Variants in AOAH observed in about 807,000 individuals in gnomAD.
AOAH encodes the protein acyloxyacyl hydrolase (neutrophil).
Under a neutral mutation model 92.2 loss-of-function variants are expected in AOAH, and 64 were observed. That is an observed-to-expected ratio of 0.69 (90% CI 0.57 to 0.86). The LOEUF is 0.86. Ranked by LOEUF, AOAH falls within the 40% of genes least tolerant of loss-of-function variation. The probability of loss-of-function intolerance (pLI) is 0.00; values close to 1 mark genes in which losing one functional copy is unlikely to be tolerated. For missense variants in AOAH, 656 were observed against 694.6 expected, an observed-to-expected ratio of 0.94 and a Z score of 0.62; for synonymous variants, 263 against 254.5, an observed-to-expected ratio of 1.03 and a Z score of -0.32.
chr7:36,622,493 T>G (rs1365371620), intron 7 of AOAH, among the ~76,000 whole-genome samples: 1 of 152,230 alleles, frequency 6.6e-6, no homozygotes, highest in African/African-American at 2.4e-5. Flanking sequence ...TTTTGGGACT[T>G]TGTGACATGT....
intron 19 of AOAH, among the ~76,000 whole-genome samples, chr7:36,526,707 A>G (rs1211615092): frequency 7.2e-5 from 11 of 152,196 alleles, no homozygotes; most frequent in Admixed American, 7.2e-4. Context: ...TCTTTAATGT[A>G]GTTTATTTGT....
chr7:36,673,967 T>G lies in AOAH; in HGVS notation c.266A>C (p.Lys89Thr), dbSNP rs1197761047. 1 of 1,611,058 alleles carries G rather than the reference T, an allele frequency of 6.2e-7. No homozygotes were observed. Among genetic ancestry groups the G allele is most frequent in the Non-Finnish European group, 8.5e-7 (1 of 1,177,540 alleles). The stretch of plus-strand genomic sequence containing the variant: ...CAGTTTTATGATGTCTGATCCAAAC[T>G]TGTCAATGACTAAATAGCAGGTGGT... ...LKTTCYLVID[K>T]FGSDIIKLLS... Residue 89 changes from lysine to threonine, a missense_variant, in exon 3 of 21, where the codon AAG becomes ACG. Coordinates refer to ENST00000617537, the MANE Select transcript of AOAH (RefSeq NM_001637.4).
intron 12 of AOAH, among the ~76,000 whole-genome samples, chr7:36,581,577 G>T (rs1159811690): frequency 3.3e-5 from 5 of 152,142 alleles, no homozygotes; most frequent in African/African-American, 1.2e-4. Context: ...ATAAAGAGGG[G>T]TTATTTTTCT....
chr7:36,659,045 T>C (rs1185350333), intron 4 of AOAH, 121 bp downstream of exon 4: 8 of 798,946 alleles, frequency 1.0e-5, no homozygotes, highest in African/African-American at 1.7e-5. Flanking sequence ...ATTGAAAATG[T>C]CATCTTGCCT....
rs370724845 is a variant in AOAH at position 36,513,301 on chromosome 7, G to T, written c.1679C>A (p.Pro560Gln). 7.4e-6 allele frequency: 12 copies of T among 1,614,030 alleles called. No individual in the cohort carries two copies. Among genetic ancestry groups the T allele is most frequent in the Non-Finnish European group, 1.0e-5 (12 of 1,180,018 alleles). ...CACCTGTTTAATCTGGGGGTTGAAC[G>T]GATTCTCCTTTCCCAGGATTTGGGG... Reference protein sequence around the residue: ...QWPQILGKENPFNPQIKQVFG... With the variant: ...QWPQILGKENQFNPQIKQVFG... Residue 560 changes from proline (P) to glutamine (Q), a missense_variant, in exon 21 of 21, where the codon CCG (proline) becomes CAG (glutamine). Transcript: ENST00000617537.
chr7:36,613,864 G>A (rs569110127), intron 11 of AOAH, among the ~76,000 whole-genome samples: 2 of 152,230 alleles, frequency 1.3e-5, no homozygotes, highest in Middle Eastern at 3.4e-3. Flanking sequence ...TCAAAACAGC[G>A]CTCTTCATTT....
At chr7:36,589,828 T>C (rs1411506570) in intron 12 of AOAH, among the ~76,000 whole-genome samples, 1 of 152,248 alleles carries the variant, frequency 6.6e-6, no homozygotes, top group Non-Finnish European at 1.5e-5. Flanking sequence ...TCTTTCTACA[T>C]GTGGTATTAG....
intron 4 of AOAH, among the ~76,000 whole-genome samples, chr7:36,655,246 A>G (rs1794809857): frequency 6.6e-6 from 1 of 152,262 alleles, no homozygotes; most frequent in East Asian, 1.9e-4. Flanking sequence ...TAAATGCATG[A>G]ATACACATAA....
intron 12 of AOAH, among the ~76,000 whole-genome samples, chr7:36,583,982 A>C (rs1789124691): frequency 6.6e-6 from 1 of 152,238 alleles, no homozygotes; most frequent in African/African-American, 2.4e-5. Context: ...CCTAAACGGC[A>C]TTTCTCAAAG....
rs78573344 is a variant in AOAH at position 36,663,523 on chromosome 7, T to C, written c.291-4258A>G. On this transcript the variant is annotated intron_variant, in intron 3 of 20. Transcript: ENST00000617537. ...ACCACGGATATCTTTGTAGTCTCCA[T>C]AGTTTTGCCTTTTCCAGGATGTCAT... Among the ~76,000 whole-genome samples, 1,031 of 152,338 alleles carry C rather than the reference T, an allele frequency of 6.8e-3. 4 individuals are homozygous for C. The highest frequency in any genetic ancestry group is 0.011 in the African/African-American group (467 of 41,584).
intron 13 of AOAH, among the ~76,000 whole-genome samples, chr7:36,570,593 G>A (rs1272745070): frequency 6.6e-6 from 1 of 152,154 alleles, no homozygotes; most frequent in Non-Finnish European, 1.5e-5. Context: ...TTCCGTAGCA[G>A]CTATACCACT....
intron 20 of AOAH, among the ~76,000 whole-genome samples, chr7:36,517,214 C>CTTTCTTTTCTTTTTCTCTT (rs59205788): frequency 5.7e-5 from 6 of 104,828 alleles, no homozygotes; most frequent in African/African-American, 2.4e-4. Flanking sequence ...TTCTTTCTTT[C>CTTTCTTTTCTTTTTCTCTT]TCTTTCTTTC....
intron 13 of AOAH, among the ~76,000 whole-genome samples, chr7:36,553,991 G>C (rs561630086): frequency 2.0e-5 from 3 of 152,054 alleles, no homozygotes; most frequent in Non-Finnish European, 4.4e-5. Context: ...AGTTTAATTA[G>C]ATCCCATTTG....
intron 1 of AOAH, among the ~76,000 whole-genome samples, chr7:36,719,685 C>T (rs1411045273): frequency 6.6e-6 from 1 of 152,098 alleles, no homozygotes; most frequent in Non-Finnish European, 1.5e-5. Context: ...AATCCCAGCA[C>T]TTTGGGAGGC....
chr7:36,690,007 A>G (rs1299520697), intron 1 of AOAH: 10 of 308,578 alleles, frequency 3.2e-5, no homozygotes, highest in Non-Finnish European at 6.3e-5. Context: ...ATTCAACTCC[A>G]TCATTAGCAT....
intron 1 of AOAH, among the ~76,000 whole-genome samples, chr7:36,718,295 G>T (rs1262340970): frequency 6.6e-6 from 1 of 152,156 alleles, no homozygotes; most frequent in Non-Finnish European, 1.5e-5. Flanking sequence ...ATAGCAAAAT[G>T]ATGAATAACT....
rs774451026 is a variant in AOAH, at chr7:36,513,179, T to C, written c.*73A>G. On this transcript the variant is annotated 3_prime_UTR_variant, in exon 21 of 21. Coordinates refer to ENST00000617537, the MANE Select transcript of AOAH (RefSeq NM_001637.4). ...TGGGCCTGTGACGTGGCAGCCCCCATAGGGTTTGTGGAATGAGTTTACCCA... is the reference window on the plus strand; with the variant it reads ...TGGGCCTGTGACGTGGCAGCCCCCACAGGGTTTGTGGAATGAGTTTACCCA... 5.0e-6 allele frequency: 8 copies of C among 1,613,878 alleles called. No individual in the cohort carries two copies. The highest frequency in any genetic ancestry group is 4.5e-5 in the East Asian group (2 of 44,900).
intron 19 of AOAH, among the ~76,000 whole-genome samples, chr7:36,529,848 C>T (rs141162848): frequency 1.6e-3 from 240 of 152,276 alleles, no homozygotes; most frequent in African/African-American, 5.1e-3. Context: ...GCAGTGACTC[C>T]GGTGTTTGGA....
chr7:36,616,678 T>A (rs1178721441), intron 10 of AOAH, among the ~76,000 whole-genome samples: 1 of 152,180 alleles, frequency 6.6e-6, no homozygotes, highest in Non-Finnish European at 1.5e-5. Context: ...TTGGAGCTGC[T>A]AGCTAAGATG....
Sources: allele counts gnomAD v4.1 joint callset (sites outside exome capture counted in the v4.1 genomes callset), GRCh38; gene constraint gnomAD v4.1.1; transcripts MANE v1.5; gene names NCBI Gene and HGNC (gene_info 2026-07-23, HGNC 2026-07-21).